The following STAB2 variants were observed in gnomAD, a reference collection of about 807,000 sequenced individuals.
The protein encoded by STAB2 is stabilin-2.
Under a neutral mutation model 338.1 loss-of-function variants are expected in STAB2, and 288 were observed. The observed-to-expected ratio is 0.85, with a 90% CI of 0.77 to 0.94. The LOEUF (loss-of-function observed/expected upper bound fraction) is 0.94, where lower values mean the gene tolerates loss of function less well. Among genes scored for constraint, STAB2 ranks in the 40% least tolerant of loss-of-function variants. The probability of loss-of-function intolerance (pLI) is 0.00; values close to 1 mark genes in which losing one functional copy is unlikely to be tolerated. For synonymous variants in STAB2, 1,202 were observed against 1,193.3 expected (o/e 1.01, Z -0.15); for missense variants, 3,141 against 3,210.1 (o/e 0.98, Z 0.52).
At chr12:103,696,743 C>T (rs1446956301) in intron 33 of STAB2, among the ~76,000 whole-genome samples, 1 of 152,086 alleles carries the variant, frequency 6.6e-6, no homozygotes, top group Non-Finnish European at 1.5e-5. Context: ...CTACTGGAAC[C>T]AAGGAAAGGC....
rs1884681969 is a variant in STAB2, at chr12:103,763,348, A to G, written c.7489-144A>G. The G allele has an allele frequency of 6.0e-6, 4 of 666,372 alleles. No individual in the cohort carries two copies. In the Admixed American group the frequency reaches 9.4e-5, roughly 16 times the overall value. The allele number at this position is 666,372 out of a possible 1,614,324, so 41.3% of individuals were successfully genotyped here. A position where few individuals can be genotyped will look rare whatever the true frequency, so the allele number is the denominator to read the frequency against. ...AATCTAAAGGTTGGTAAATTTTATT[A>G]TATGTGAATCATCTCTCAACAAAGT... On this transcript the variant is annotated intron_variant, in intron 67 of 68. Coordinates refer to ENST00000388887, the MANE Select transcript of STAB2 (RefSeq NM_017564.10).
intron 55 of STAB2, 80 bp downstream of exon 55, chr12:103,740,836 A>G: frequency 3.4e-6 from 5 of 1,471,916 alleles, no homozygotes; most frequent in South Asian, 1.5e-5. Context: ...GAATGTACCA[A>G]AATTATAGGG....
In STAB2 at chr12:103,607,893, G is replaced by T. The variant is rs558487618; in HGVS notation, c.332-12575G>T. Among the ~76,000 whole-genome samples, 29 of 152,230 alleles carry T rather than the reference G, an allele frequency of 1.9e-4. No individual in the cohort carries two copies. In the Middle Eastern group the frequency reaches 0.017, roughly 90 times the overall value. On this transcript the variant is annotated intron_variant, in intron 3 of 68. Coordinates refer to ENST00000388887, the MANE Select transcript of STAB2 (RefSeq NM_017564.10). ...GCAGCATGATTTATAATCCTTTGGG[G>T]ATATACCTAGTAATGGGATGGCTGG... is the stretch of plus-strand genomic sequence containing the variant.
At chr12:103,734,554 CAT>C (rs1255824889) in intron 51 of STAB2, among the ~76,000 whole-genome samples, 1 of 152,218 alleles carries the variant, frequency 6.6e-6, no homozygotes, top group Non-Finnish European at 1.5e-5. Context: ...CAAGCACAAT[CAT>C]ATAGGAACAT....
At chr12:103,695,918 T>C in intron 33 of STAB2, 74 bp downstream of exon 33, 1 of 1,409,870 alleles carries the variant, frequency 7.1e-7, no homozygotes, top group Non-Finnish European at 1.0e-6. Context: ...AATCCATTAG[T>C]TGTGTGCCAT....
At chr12:103,693,225 A>G (rs750719532) in intron 31 of STAB2, among the ~76,000 whole-genome samples, 2 of 152,062 alleles carry the variant, frequency 1.3e-5, no homozygotes, top group Non-Finnish European at 2.9e-5. Flanking sequence ...AGTCTGAGGT[A>G]GGAGGATTGC....
At position 103,652,718 on chromosome 12, in the gene STAB2, C is replaced by G; in HGVS notation, c.1407+13C>G. The G allele has an allele frequency of 6.4e-7, 1 of 1,559,108 alleles. No individual in the cohort carries two copies. Among genetic ancestry groups the G allele is most frequent in the Non-Finnish European group, 8.7e-7 (1 of 1,153,446 alleles). Reference sequence around the variant, plus strand: ...CAACAGCGATAAGGTAAGGGTTCCTCTGATTTTCACTCCCAGAACTAAATT... The same window carrying G: ...CAACAGCGATAAGGTAAGGGTTCCTGTGATTTTCACTCCCAGAACTAAATT... On this transcript the variant is annotated intron_variant, in intron 12 of 68. Coordinates refer to ENST00000388887, the MANE Select transcript of STAB2 (RefSeq NM_017564.10).
chr12:103,670,669 G>T (rs528354262), intron 21 of STAB2, 27 bp from the exon 22 acceptor site: 1 of 1,576,296 alleles, frequency 6.3e-7, no homozygotes, highest in Non-Finnish European at 8.7e-7. Context: ...TGTCCTAATG[G>T]CCCATGGGCC....
intron 17 of STAB2, among the ~76,000 whole-genome samples, chr12:103,660,980 G>C (rs1391163749): frequency 6.6e-6 from 1 of 152,204 alleles, no homozygotes; most frequent in Admixed American, 6.5e-5. Context: ...GAAAAAGATA[G>C]ACTTCTATCC....
chr12:103,622,031 G>C lies in STAB2; in HGVS notation c.418-11G>C. The C allele has an allele frequency of 6.2e-7, 1 of 1,614,172 alleles. No homozygotes were observed. Among genetic ancestry groups the C allele is most frequent in the Non-Finnish European group, 8.5e-7 (1 of 1,179,996 alleles). ...TTGGGTCTAATGTCAACCACCTGGG[G>C]TGTTTTGCAGGAAGGGTTTGGTGGA... is the stretch of plus-strand genomic sequence containing the variant. On this transcript the variant is annotated splice_polypyrimidine_tract_variant and intron_variant, in intron 4 of 68. Transcript: ENST00000388887.
At chr12:103,648,890 C>G in intron 10 of STAB2, 67 bp downstream of exon 10, 1 of 1,574,240 alleles carries the variant, frequency 6.4e-7, no homozygotes, top group South Asian at 1.2e-5. Context: ...CTGCAAGATA[C>G]AATGATTCAG....
At chr12:103,618,707 CTG>C (rs572525439) in intron 3 of STAB2, among the ~76,000 whole-genome samples, 185 of 152,332 alleles carry the variant, frequency 1.2e-3, no homozygotes, top group African/African-American at 4.1e-3. Flanking sequence ...CTTAACCACT[CTG>C]TGCCTGTTTC....
intron 6 of STAB2, among the ~76,000 whole-genome samples, chr12:103,636,130 T>C (rs570766686): frequency 2.0e-4 from 31 of 152,022 alleles, no homozygotes; most frequent in Admixed American, 7.9e-4. Context: ...ATGTGCCATG[T>C]TGGTGTGCTG....
intron 28 of STAB2, among the ~76,000 whole-genome samples, chr12:103,689,196 A>G (rs1877702919): frequency 6.6e-6 from 1 of 152,074 alleles, no homozygotes; most frequent in African/African-American, 2.4e-5. Context: ...AAGAATACTC[A>G]AGGTGGCTGG....
At position 103,640,237 on chromosome 12, in the gene STAB2, G is replaced by A. The variant is rs377527797; in HGVS notation, c.1021G>A (p.Val341Ile). ...PCHRNANCTTVAPGRTECICQ... is the reference protein window; with the variant it reads ...PCHRNANCTTIAPGRTECICQ... ...TCATAGGAATGCAAATTGCACCACC[G>A]TCGCACCAGGCCGAACTGAGTAAGT... Residue 341 changes from valine to isoleucine, a missense_variant, in exon 9 of 69, where the codon GTC (valine) becomes ATC (isoleucine). Transcript: ENST00000388887. The A allele has an allele frequency of 4.5e-5, 72 of 1,613,336 alleles. No individual in the cohort carries two copies. The Admixed American group carries it at 5.0e-4, about 11-fold the overall frequency.
intron 5 of STAB2, among the ~76,000 whole-genome samples, chr12:103,628,324 C>A (rs1404893579): frequency 6.6e-6 from 1 of 152,142 alleles, no homozygotes. Flanking sequence ...ACACACTTGG[C>A]AAAATGCCTG....
intron 6 of STAB2, among the ~76,000 whole-genome samples, chr12:103,634,851 T>C (rs1957518568): frequency 6.6e-6 from 1 of 152,202 alleles, no homozygotes; most frequent in Admixed American, 6.5e-5. Context: ...AAAGAGAAGA[T>C]GGAGAGGCAC....
intron 3 of STAB2, among the ~76,000 whole-genome samples, chr12:103,597,480 G>A (rs1956894485): frequency 6.6e-6 from 1 of 152,128 alleles, no homozygotes; most frequent in Admixed American, 6.5e-5. Context: ...GGTCAACGCT[G>A]AAAACTTGGA....
intron 49 of STAB2, among the ~76,000 whole-genome samples, chr12:103,730,796 C>T (rs1032380676): frequency 2.0e-5 from 3 of 152,158 alleles, no homozygotes; most frequent in Non-Finnish European, 4.4e-5. Context: ...AACCTGTAAT[C>T]CCAGCAATCC....
Sources: allele counts gnomAD v4.1 joint callset (sites outside exome capture counted in the v4.1 genomes callset), GRCh38; gene constraint gnomAD v4.1.1; transcripts MANE v1.5; gene names NCBI Gene and HGNC (gene_info 2026-07-23, HGNC 2026-07-21).